USP6NL: variants seen among roughly 807,000 people sequenced by gnomAD.
USP6NL encodes the protein USP6 N-terminal like.
USP6NL carries 26 observed loss-of-function variants against 61.9 expected under a neutral mutation model. The observed-to-expected ratio is 0.42, with a 90% CI of 0.31 to 0.58. The LOEUF (loss-of-function observed/expected upper bound fraction) is 0.58, where lower values mean the gene tolerates loss of function less well. USP6NL is among the 20% of genes least tolerant of loss of function. The probability of loss-of-function intolerance (pLI) is 0.16; values close to 1 mark genes in which losing one functional copy is unlikely to be tolerated. For synonymous variants in USP6NL, 432 were observed against 390.1 expected (o/e 1.11, Z -1.27); for missense variants, 1,114 against 1,034.3 (o/e 1.08, Z -1.06).
rs1474476313 is a variant in USP6NL, at chr10:11,585,572, G to A, written c.4+12059C>T. Among the ~76,000 whole-genome samples, 2 of 152,158 alleles carry A rather than the reference G, an allele frequency of 1.3e-5. No homozygotes were observed. Among genetic ancestry groups the A allele is most frequent in the Non-Finnish European group, 2.9e-5 (2 of 68,036 alleles). Reference sequence around the variant, plus strand: ...AGCTACTCGGGAGGCTGAGGAACGGGAATGGCGCGAACCCGGGATGCGGAG... The same window carrying A: ...AGCTACTCGGGAGGCTGAGGAACGGAAATGGCGCGAACCCGGGATGCGGAG... On this transcript the variant is annotated intron_variant, in intron 2 of 14. Transcript: ENST00000609104. The surrounding 1 kb of genome is among the most constrained non-coding windows in gnomAD (Gnocchi z 4.5).
chr10:11,501,973 C>A (rs182461830), intron 6 of USP6NL, among the ~76,000 whole-genome samples: 3 of 152,122 alleles, frequency 2.0e-5, no homozygotes, highest in African/African-American at 7.2e-5. Flanking sequence ...ACATTGGTAT[C>A]ATCAGCTGGG....
In USP6NL at chr10:11,463,771, C is replaced by T. The variant is rs370066019; in HGVS notation, c.1157G>A (p.Ser386Asn). Residue 386 changes from serine (S) to asparagine (N), a missense_variant, in exon 15 of 15, where the codon AGC becomes AAC. Ser to Asn is a conservative substitution (Grantham distance 46). Transcript: ENST00000609104. This position sits in a 1 kb window ranked among gnomAD's most constrained non-coding sequence, Gnocchi z 6.3. Reference sequence around the variant, plus strand: ...CCGGCCCACGCTCCTCTGTCCGTTGCTCAAGTGATGGACGCCCCAAGACTG... The same window carrying T: ...CCGGCCCACGCTCCTCTGTCCGTTGTTCAAGTGATGGACGCCCCAAGACTG... The part of the protein sequence containing the change: ...ELQSWGVHHL[S>N]NGQRSVGRPS... 2.2e-4 allele frequency: 344 copies of T among 1,550,940 alleles called. No individual in the cohort carries two copies. Among genetic ancestry groups the T allele is most frequent in the Non-Finnish European group, 2.8e-4 (326 of 1,148,648 alleles).
chr10:11,559,240 A>T (rs1253644627), intron 2 of USP6NL, among the ~76,000 whole-genome samples: 1 of 152,228 alleles, frequency 6.6e-6, no homozygotes, highest in Non-Finnish European at 1.5e-5. Flanking sequence ...TAAATGCTTT[A>T]GGATGTTTAA....
chr10:11,549,653 AT>A (rs1836413357), intron 2 of USP6NL, among the ~76,000 whole-genome samples: 1 of 152,006 alleles, frequency 6.6e-6, no homozygotes, highest in South Asian at 2.1e-4. Flanking sequence ...TATTGATCCA[AT>A]TTTCCTTTCA....
Position 11,487,333 on chromosome 10 carries a change from G to A in USP6NL, c.665-1422C>T, listed in dbSNP as rs533311424. Among the ~76,000 whole-genome samples the A allele has an allele frequency of 6.6e-5, 10 of 152,252 alleles. No homozygotes were observed. Among genetic ancestry groups the A allele is most frequent in the Admixed American group, 4.6e-4 (7 of 15,288 alleles). ...TTATAAAATTTCATAGGCAGACATA[G>A]AAACAAACATCTCTAAGTATAAACT... On this transcript the variant is annotated intron_variant, in intron 10 of 14. Transcript: ENST00000609104. The surrounding 1 kb of genome is among the most constrained non-coding windows in gnomAD (Gnocchi z 4.2).
rs1200800508 is a variant in USP6NL at position 11,470,108 on chromosome 10, C to A, written c.1079-6259G>T. Among the ~76,000 whole-genome samples, 1 of 152,026 alleles carries A rather than the reference C, an allele frequency of 6.6e-6. No homozygotes were observed. Among genetic ancestry groups the A allele is most frequent in the Non-Finnish European group, 1.5e-5 (1 of 67,998 alleles). On this transcript the variant is annotated intron_variant, in intron 14 of 14. Transcript: ENST00000609104. The surrounding 1 kb of genome is among the most constrained non-coding windows in gnomAD (Gnocchi z 5.4). ...CTGTGCCTCTCATGAGGAGGAGAAGCAAGAAGGGGCGGAGACAGTGAAGGA... is the reference window on the plus strand; with the variant it reads ...CTGTGCCTCTCATGAGGAGGAGAAGAAAGAAGGGGCGGAGACAGTGAAGGA...
At chr10:11,500,469 C>T (rs184554117) in intron 7 of USP6NL, among the ~76,000 whole-genome samples, 17 of 152,062 alleles carry the variant, frequency 1.1e-4, no homozygotes, top group Admixed American at 3.9e-4. Flanking sequence ...AAATCTCTTA[C>T]TCCTTTCAAA....
At chr10:11,544,390 C>T (rs1222236472) in intron 2 of USP6NL, among the ~76,000 whole-genome samples, 2 of 152,180 alleles carry the variant, frequency 1.3e-5, no homozygotes, top group African/African-American at 4.8e-5. Flanking sequence ...ATCCTTCTCA[C>T]TGTGGAAAAT....
intron 2 of USP6NL, among the ~76,000 whole-genome samples, chr10:11,542,283 G>A (rs1836097216): frequency 6.6e-6 from 1 of 152,182 alleles, no homozygotes; most frequent in Non-Finnish European, 1.5e-5. Context: ...GAGGGAATCA[G>A]ACACATAAAG....
Position 11,463,517 on chromosome 10 carries a change from G to C in USP6NL, c.1411C>G (p.Gln471Glu), listed in dbSNP as rs1191963687. 4.3e-6 allele frequency: 7 copies of C among 1,613,940 alleles called. No individual in the cohort carries two copies. The highest frequency in any genetic ancestry group is 5.9e-6 in the Non-Finnish European group (7 of 1,179,910). ...ATATTTGAAGTGGCGTTGCTATTTTGGTTGGCAGCTGCGTGATTATATTGC... is the reference window on the plus strand; with the variant it reads ...ATATTTGAAGTGGCGTTGCTATTTTCGTTGGCAGCTGCGTGATTATATTGC... ...SRQYNHAAAN[Q>E]NSNATSNIRK... The change falls in exon 15 of 15, where the codon CAA becomes GAA. Residue 471 changes from glutamine (Q) to glutamate (E), a missense_variant. By Grantham distance (29) the Gln-to-Glu change is conservative. Transcript: ENST00000609104. The surrounding 1 kb of genome is among the most constrained non-coding windows in gnomAD (Gnocchi z 6.3).
At chr10:11,500,623 C>T (rs1412057181) in intron 7 of USP6NL, among the ~76,000 whole-genome samples, 1 of 151,926 alleles carries the variant, frequency 6.6e-6, no homozygotes, top group Non-Finnish European at 1.5e-5. Flanking sequence ...TAGAGATACC[C>T]TAATAATCTT....
Position 11,528,696 on chromosome 10 carries a change from G to A in USP6NL, c.5-1129C>T, listed in dbSNP as rs73569143. Reference sequence around the variant, plus strand: ...ACATGAAAAAGGACTTCCAGTTACCGATGGCAGATGGAACATATGCTTTTA... The same window carrying A: ...ACATGAAAAAGGACTTCCAGTTACCAATGGCAGATGGAACATATGCTTTTA... On this transcript the variant is annotated intron_variant, in intron 2 of 14. Coordinates refer to ENST00000609104, the MANE Select transcript of USP6NL (RefSeq NM_014688.5). This position sits in a 1 kb window ranked among gnomAD's most constrained non-coding sequence, Gnocchi z 4.6. Among the ~76,000 whole-genome samples, 17,565 of 152,104 alleles carry A rather than the reference G, an allele frequency of 0.12. 1,560 individuals carry two copies. The highest frequency in any genetic ancestry group is 0.42 in the East Asian group (2,196 of 5,178).
chr10:11,532,152 CA>C lies in USP6NL; in HGVS notation c.5-4586del. On this transcript the variant is annotated intron_variant, in intron 2 of 14. Coordinates refer to ENST00000609104, the MANE Select transcript of USP6NL (RefSeq NM_014688.5). The surrounding 1 kb of genome is among the most constrained non-coding windows in gnomAD (Gnocchi z 4.1). ...GACAGATGAACGTTAAAAATATAAA[CA>C]ACATCAATTTTAAAAGTACTTTACC... 1 of 1,491,332 alleles carries C rather than the reference CA, an allele frequency of 6.7e-7. No homozygotes were observed. The highest frequency in any genetic ancestry group is 9.2e-7 in the Non-Finnish European group (1 of 1,092,244). 92.4% of individuals were successfully genotyped at this position (1,491,332 alleles called of 1,614,324 possible).
chr10:11,517,714 G>T (rs760782208), intron 5 of USP6NL, among the ~76,000 whole-genome samples: 4 of 152,066 alleles, frequency 2.6e-5, no homozygotes, highest in Non-Finnish European at 4.4e-5. Flanking sequence ...CTACAGTTTT[G>T]ATTTTCAGAA....
intron 2 of USP6NL, among the ~76,000 whole-genome samples, chr10:11,567,417 T>C (rs926512690): frequency 6.6e-6 from 1 of 152,204 alleles, no homozygotes; most frequent in Non-Finnish European, 1.5e-5. Flanking sequence ...AATTACAACC[T>C]GTACTAAATA....
chr10:11,525,526 T>A lies in USP6NL; in HGVS notation c.73-58A>T. The A allele has an allele frequency of 2.8e-6, 4 of 1,421,064 alleles. No individual in the cohort carries two copies. The highest frequency in any genetic ancestry group is 9.4e-7 in the Non-Finnish European group (1 of 1,058,962). The allele number at this position is 1,421,064 out of a possible 1,614,324, so 88.0% of individuals were successfully genotyped here. A position where few individuals can be genotyped will look rare whatever the true frequency, so the allele number is the denominator to read the frequency against. ...GAGTTTATAAAACTGAATAATTTTT[T>A]AAAATAAAAGGACGAAGAAATAAGA... On this transcript the variant is annotated intron_variant, in intron 3 of 14. Coordinates refer to ENST00000609104, the MANE Select transcript of USP6NL (RefSeq NM_014688.5). The surrounding 1 kb of genome is among the most constrained non-coding windows in gnomAD (Gnocchi z 5.0).
At chr10:11,555,092 GTTTT>G (rs1218851928) in intron 2 of USP6NL, among the ~76,000 whole-genome samples, 9 of 114,338 alleles carry the variant, frequency 7.9e-5, no homozygotes, top group African/African-American at 1.9e-4. Flanking sequence ...CGCCTGGCCT[GTTTT>G]TTTTTTTTTT....
intron 2 of USP6NL, among the ~76,000 whole-genome samples, chr10:11,554,760 A>C (rs1157664339): frequency 6.6e-6 from 1 of 151,082 alleles, no homozygotes; most frequent in Non-Finnish European, 1.5e-5. Flanking sequence ...GAAAAAAAAA[A>C]AGAAAAAAGG....
rs187633368 is a variant in USP6NL, at chr10:11,562,136, T to C, written c.5-34569A>G. Among the ~76,000 whole-genome samples, 154 of 152,026 alleles carry C rather than the reference T, an allele frequency of 1.0e-3. 2 individuals carry two copies. Among genetic ancestry groups the C allele is most frequent in the Admixed American group, 9.2e-3 (140 of 15,272 alleles). ...TCTACTAAAAATACAAAAAATTAGCTGGATGTGGTGGCTGGCGCCTGTAAT... is the reference window on the plus strand; with the variant it reads ...TCTACTAAAAATACAAAAAATTAGCCGGATGTGGTGGCTGGCGCCTGTAAT... On this transcript the variant is annotated intron_variant, in intron 2 of 14. Transcript: ENST00000609104. This position sits in a 1 kb window ranked among gnomAD's most constrained non-coding sequence, Gnocchi z 4.8.
Sources: allele counts gnomAD v4.1 joint callset (sites outside exome capture counted in the v4.1 genomes callset), GRCh38; gene constraint gnomAD v4.1.1; non-coding constraint Gnocchi (gnomAD v3.1); transcripts MANE v1.5; gene names NCBI Gene and HGNC (gene_info 2026-07-23, HGNC 2026-07-21).